Variants in ATP8A2 observed in about 807,000 individuals in gnomAD.
ATP8A2 encodes ATPase phospholipid transporting 8A2.
ATP8A2 carries 100 observed loss-of-function variants against 165.6 expected under a neutral mutation model. The observed-to-expected ratio is 0.60, with a 90% CI of 0.51 to 0.71. The LOEUF is 0.71. ATP8A2 is among the 30% of genes least tolerant of loss of function. ATP8A2 has a pLI of 0.00. For synonymous variants in ATP8A2, 543 were observed against 548.8 expected, an observed-to-expected ratio of 0.99 and a Z score of 0.15; for missense variants, 1,227 against 1,479.5, an observed-to-expected ratio of 0.83 and a Z score of 2.80.
At chr13:25,989,561 C>T (rs1956342403) in intron 35 of ATP8A2, among the ~76,000 whole-genome samples, 1 of 152,190 alleles carries the variant, frequency 6.6e-6, no homozygotes, top group African/African-American at 2.4e-5. Flanking sequence ...GATAAAGCTA[C>T]CAACTTTGGG....
chr13:25,666,340 G>A (rs1309358038), intron 24 of ATP8A2, among the ~76,000 whole-genome samples: 1 of 151,914 alleles, frequency 6.6e-6, no homozygotes, highest in Non-Finnish European at 1.5e-5. Flanking sequence ...CTCCCAAGTA[G>A]CTGGGACTAC....
intron 1 of ATP8A2, among the ~76,000 whole-genome samples, chr13:25,441,725 T>G (rs2138200107): frequency 6.6e-6 from 1 of 152,342 alleles, no homozygotes; most frequent in East Asian, 1.9e-4. Context: ...TGTTTGCCTT[T>G]TCCTCAAATT....
intron 33 of ATP8A2, among the ~76,000 whole-genome samples, chr13:25,946,559 T>C (rs7323933): frequency 0.71 from 107,494 of 152,012 alleles, 38,189 homozygotes; most frequent in East Asian, 0.79. Flanking sequence ...ATATACATTC[T>C]TGACTTAATT....
chr13:25,645,735 C>T (rs6491079), intron 24 of ATP8A2, among the ~76,000 whole-genome samples: 37,604 of 151,978 alleles, frequency 0.25, 4,933 homozygotes, highest in South Asian at 0.46. Flanking sequence ...TGAAATTTCT[C>T]CTGTTACTGA....
intron 33 of ATP8A2, among the ~76,000 whole-genome samples, chr13:25,917,773 A>G (rs1340414019): frequency 6.6e-6 from 1 of 152,234 alleles, no homozygotes; most frequent in Non-Finnish European, 1.5e-5. Context: ...CATGGCTTTC[A>G]CTGTGCTAAT....
intron 36 of ATP8A2, among the ~76,000 whole-genome samples, chr13:26,018,318 T>C (rs1957029049): frequency 3.3e-5 from 5 of 152,220 alleles, no homozygotes; most frequent in Admixed American, 3.3e-4. Context: ...AGTCTCCTCC[T>C]CTTCTCCATC....
chr13:25,864,852 T>A (rs1952462649), intron 33 of ATP8A2, among the ~76,000 whole-genome samples: 1 of 151,486 alleles, frequency 6.6e-6, no homozygotes. Flanking sequence ...CTAGCCTTCC[T>A]CCAGGGCAGG....
intron 24 of ATP8A2, among the ~76,000 whole-genome samples, chr13:25,646,699 G>T: frequency 6.8e-6 from 1 of 147,990 alleles, no homozygotes; most frequent in African/African-American, 2.5e-5. Context: ...TAGTCACTCT[G>T]TCTTTTTATT....
intron 25 of ATP8A2, among the ~76,000 whole-genome samples, chr13:25,760,816 A>G (rs1366774293): frequency 6.6e-6 from 1 of 152,166 alleles, no homozygotes; most frequent in African/African-American, 2.4e-5. Context: ...CTGTTTTTGA[A>G]AGTTGAGTTA....
intron 2 of ATP8A2, among the ~76,000 whole-genome samples, chr13:25,512,688 A>C (rs1242916247): frequency 8.8e-6 from 1 of 113,502 alleles, no homozygotes; most frequent in Non-Finnish European, 1.8e-5. Context: ...CGGGGGGCTG[A>C]CCCCCCAACC....
intron 27 of ATP8A2, among the ~76,000 whole-genome samples, chr13:25,786,556 A>G (rs955095307): frequency 6.6e-6 from 1 of 152,136 alleles, no homozygotes; most frequent in Non-Finnish European, 1.5e-5. Flanking sequence ...CTTTTTTGTC[A>G]GTCCCTTGCC....
chr13:25,772,839 C>T (rs1450908829), intron 26 of ATP8A2, among the ~76,000 whole-genome samples: 3 of 151,794 alleles, frequency 2.0e-5, no homozygotes, highest in South Asian at 2.1e-4. Context: ...CTGCAGCCTC[C>T]GCCTCCGCCT....
chr13:25,455,555 G>A (rs573621695), intron 1 of ATP8A2, among the ~76,000 whole-genome samples: 11 of 152,252 alleles, frequency 7.2e-5, no homozygotes, highest in Non-Finnish European at 1.0e-4. Flanking sequence ...ATTTCATTTC[G>A]TAGCTCATTG....
In ATP8A2 at chr13:25,753,178, C is replaced by T. The variant is rs116624960; in HGVS notation, c.2385-15868C>T. Among the ~76,000 whole-genome samples, 1,369 of 152,296 alleles carry T rather than the reference C, an allele frequency of 9.0e-3. 30 individuals carry two copies. The highest frequency in any genetic ancestry group is 0.031 in the African/African-American group (1,308 of 41,562). ...AGAGAAAGGGTAGCCTGGTGGCCAA[C>T]AGCACGTCCAAGAACACTGTATGAG... is the stretch of plus-strand genomic sequence containing the variant. On this transcript the variant is annotated intron_variant, in intron 25 of 36. Transcript: ENST00000381655.
chr13:25,397,874 C>G (rs9553605), intron 1 of ATP8A2, among the ~76,000 whole-genome samples: 4,141 of 152,244 alleles, frequency 0.027, 147 homozygotes, highest in East Asian at 0.085. Flanking sequence ...TAGGTGGATT[C>G]AAAGATTTCC....
chr13:25,549,962 T>G (rs1308924571), intron 10 of ATP8A2, among the ~76,000 whole-genome samples: 1 of 152,068 alleles, frequency 6.6e-6, no homozygotes, highest in African/African-American at 2.4e-5. Context: ...TGTCTCACAG[T>G]TGTTAATTTA....
chr13:25,577,744 G>C (rs2039659188), intron 20 of ATP8A2, among the ~76,000 whole-genome samples: 1 of 152,150 alleles, frequency 6.6e-6, no homozygotes, highest in African/African-American at 2.4e-5. Context: ...ACTAGATCCT[G>C]TTAAATTTTA....
At chr13:25,593,241 G>A (rs1378591136) in intron 24 of ATP8A2, among the ~76,000 whole-genome samples, 1 of 152,144 alleles carries the variant, frequency 6.6e-6, no homozygotes, top group African/African-American at 2.4e-5. Flanking sequence ...ATGGGACAGG[G>A]ACACAGAAAA....
intron 33 of ATP8A2, among the ~76,000 whole-genome samples, chr13:25,951,014 C>G (rs578112617): frequency 1.3e-5 from 2 of 152,230 alleles, no homozygotes; most frequent in African/African-American, 2.4e-5. Context: ...GTGGAGCAAC[C>G]GGAATGCGCC....
Sources: gnomAD v4.1 joint callset for allele counts (sites outside exome capture counted in the v4.1 genomes callset) on GRCh38, gnomAD v4.1.1 for gene constraint, MANE v1.5 for transcripts, NCBI Gene and HGNC (gene_info 2026-07-23, HGNC 2026-07-21) for gene names.